Variants in ROBO2 observed in about 807,000 individuals in gnomAD.
The protein encoded by ROBO2 is roundabout homolog 2.
Under a neutral mutation model 160.8 loss-of-function variants are expected in ROBO2, and 53 were observed. The observed-to-expected ratio is 0.33, with a 90% CI of 0.26 to 0.41. The LOEUF (loss-of-function observed/expected upper bound fraction) is 0.41. ROBO2 is among the 10% of genes least tolerant of loss of function. The pLI is 1.00. For missense variants in ROBO2, 1,577 were observed against 1,722.4 expected, an observed-to-expected ratio of 0.92 and a Z score of 1.49; for synonymous variants, 664 against 611.7, an observed-to-expected ratio of 1.09 and a Z score of -1.26.
rs78527871 is a variant in ROBO2, at chr3:76,049,662, C to T, written c.109+112060C>T. ...CACACTCTTTACAGAAGCACCTCCT[C>T]TTAATTAATTCTTTCCACATATTCT... On this transcript the variant is annotated intron_variant, in intron 2 of 26. Transcript: ENST00000487694. Among the ~76,000 whole-genome samples, 1,056 of 152,082 alleles carry T rather than the reference C, an allele frequency of 6.9e-3. 61 individuals carry two copies. The East Asian group carries it at 0.15, about 22-fold the overall frequency.
At chr3:77,158,676 T>G (rs187266573) in intron 2 of ROBO2, among the ~76,000 whole-genome samples, 2 of 152,230 alleles carry the variant, frequency 1.3e-5, no homozygotes, top group East Asian at 3.9e-4. Flanking sequence ...GAGACTCCCC[T>G]AGAAGAGTTT....
At chr3:76,040,273 T>C (rs908662647) in intron 2 of ROBO2, among the ~76,000 whole-genome samples, 1 of 151,882 alleles carries the variant, frequency 6.6e-6, no homozygotes, top group African/African-American at 2.4e-5. Context: ...TTTTGAGTGC[T>C]TCAAATTTAG....
chr3:76,422,179 A>G (rs968598736), intron 2 of ROBO2, among the ~76,000 whole-genome samples: 1 of 152,198 alleles, frequency 6.6e-6, no homozygotes, highest in Non-Finnish European at 1.5e-5. Flanking sequence ...GATAGAAATG[A>G]AAGAAATATA....
chr3:77,328,699 T>A (rs2065687547), intron 2 of ROBO2, among the ~76,000 whole-genome samples: 2 of 152,156 alleles, frequency 1.3e-5, no homozygotes, highest in African/African-American at 4.8e-5. Context: ...ATTGCCCCTG[T>A]TAATGTTTCA....
At chr3:77,385,091 A>G (rs750958427) in intron 2 of ROBO2, among the ~76,000 whole-genome samples, 3 of 152,160 alleles carry the variant, frequency 2.0e-5, no homozygotes, top group Admixed American at 6.5e-5. Context: ...GTGCAGTGGC[A>G]TGATCTTGGC....
At position 77,282,503 on chromosome 3, in the gene ROBO2, T is replaced by C. The variant is rs193003996; in HGVS notation, c.388+184163T>C. Among the ~76,000 whole-genome samples the C allele has an allele frequency of 7.2e-5, 11 of 152,050 alleles. No homozygotes were observed. The East Asian group carries it at 1.7e-3, about 24-fold the overall frequency. On this transcript the variant is annotated intron_variant, in intron 2 of 25. Transcript: ENST00000461745. ...ATGCTTTCTTTATTATTAATATAAATATAAAATAGATCTTAATGGTAGGGA... is the reference window on the plus strand; with the variant it reads ...ATGCTTTCTTTATTATTAATATAAACATAAAATAGATCTTAATGGTAGGGA...
rs186621240 is a variant in ROBO2, at chr3:77,074,161, A to G, written c.62-23853A>G. 2.1e-3 allele frequency among the ~76,000 whole-genome samples: 313 copies of G among 152,320 alleles called. 1 individual carries two copies. Among genetic ancestry groups the G allele is most frequent in the African/African-American group, 7.2e-3 (301 of 41,564 alleles). ...ATTATAAATGAAAATTTACATTTAG[A>G]TTTAGCATACATACTCAAGCGTGTC... On this transcript the variant is annotated intron_variant, in intron 1 of 25. Transcript: ENST00000461745.
intron 4 of ROBO2, among the ~76,000 whole-genome samples, chr3:77,487,279 T>C (rs977823042): frequency 1.3e-5 from 2 of 152,144 alleles, no homozygotes; most frequent in Admixed American, 6.5e-5. Context: ...CTATGTCCCA[T>C]GCCCTGTTTA....
rs114084229 is a variant in ROBO2, at chr3:77,332,527, C to T, written c.389-144887C>T. Among the ~76,000 whole-genome samples, 844 of 152,216 alleles carry T rather than the reference C, an allele frequency of 5.5e-3. 7 individuals carry two copies. The highest frequency in any genetic ancestry group is 0.019 in the African/African-American group (802 of 41,540). ...TAACTCATAGTTATGTATGTAATCT[C>T]AGTATGTTGCATAACTTAGTGTGAC... On this transcript the variant is annotated intron_variant, in intron 2 of 25. Coordinates refer to ENST00000461745, the Ensembl canonical transcript of ROBO2.
intron 2 of ROBO2, among the ~76,000 whole-genome samples, chr3:77,299,129 A>G (rs929715209): frequency 6.6e-6 from 1 of 152,234 alleles, no homozygotes; most frequent in Non-Finnish European, 1.5e-5. Flanking sequence ...AATGAAAAAA[A>G]TTAGTGCTTT....
At chr3:77,582,264 G>A (rs2093938397) in intron 16 of ROBO2, among the ~76,000 whole-genome samples, 1 of 152,100 alleles carries the variant, frequency 6.6e-6, no homozygotes, top group Non-Finnish European at 1.5e-5. Context: ...ACCACACCCG[G>A]CTAACTTTTG....
chr3:76,940,609 G>A (rs1172672987), intron 2 of ROBO2, among the ~76,000 whole-genome samples: 1 of 152,052 alleles, frequency 6.6e-6, no homozygotes, highest in Non-Finnish European at 1.5e-5. Context: ...GGCATCCATC[G>A]GCAGAGTTCC....
chr3:77,632,674 C>G (rs1169914002), intron 23 of ROBO2: 2 of 1,525,108 alleles, frequency 1.3e-6, no homozygotes, highest in Non-Finnish European at 1.8e-6. Context: ...GACTCCAAGT[C>G]AACACTCTTT....
chr3:76,068,544 A>G (rs549345023), intron 2 of ROBO2, among the ~76,000 whole-genome samples: 3 of 152,248 alleles, frequency 2.0e-5, no homozygotes, highest in African/African-American at 4.8e-5. Context: ...TATTCCACCA[A>G]CTTTTCCCTT....
At chr3:77,215,544 A>C (rs1029889335) in intron 2 of ROBO2, among the ~76,000 whole-genome samples, 1 of 151,848 alleles carries the variant, frequency 6.6e-6, no homozygotes, top group South Asian at 2.1e-4. Context: ...TTTAGCTCAG[A>C]GTATTTGATC....
At chr3:76,960,275 C>T (rs2079553192) in intron 2 of ROBO2, among the ~76,000 whole-genome samples, 1 of 152,054 alleles carries the variant, frequency 6.6e-6, no homozygotes, top group Non-Finnish European at 1.5e-5. Flanking sequence ...TTGACAACCA[C>T]ATAGTGACCA....
intron 2 of ROBO2, among the ~76,000 whole-genome samples, chr3:76,268,419 G>A (rs182682728): frequency 3.7e-4 from 56 of 152,224 alleles, no homozygotes; most frequent in African/African-American, 1.3e-3. Context: ...GTATTTTCTC[G>A]CATTTCTGGA....
intron 2 of ROBO2, among the ~76,000 whole-genome samples, chr3:76,593,665 A>C (rs912363374): frequency 6.6e-6 from 1 of 152,076 alleles, no homozygotes; most frequent in Non-Finnish European, 1.5e-5. Flanking sequence ...TTATCATCTG[A>C]TATTTTTTCA....
chr3:77,343,084 G>GAGAGAGAGAA (rs35897096), intron 2 of ROBO2, among the ~76,000 whole-genome samples: 33,518 of 146,118 alleles, frequency 0.23, 4,684 homozygotes, highest in Non-Finnish European at 0.32. Context: ...GAGAGAGAGA[G>GAGAGAGAGAA]AGAACTTTCT....
Sources: gnomAD v4.1 joint callset for allele counts (sites outside exome capture counted in the v4.1 genomes callset) on GRCh38, gnomAD v4.1.1 for gene constraint, MANE v1.5 for transcripts, NCBI Gene and HGNC (gene_info 2026-07-23, HGNC 2026-07-21) for gene names.